Variants in EVC2 observed in about 807,000 individuals in gnomAD.
EVC2 encodes limbin.
Under a neutral mutation model 149.3 loss-of-function variants are expected in EVC2, and 148 were observed. The observed-to-expected ratio is 0.99, with a 90% CI of 0.87 to 1.14. The LOEUF is 1.14. Among genes scored for constraint, EVC2 ranks in the 50% most tolerant of loss-of-function variants. The pLI, the probability that EVC2 is intolerant of heterozygous loss-of-function variation, is 0.00. For synonymous variants in EVC2, 776 were observed against 649.9 expected (o/e 1.19, Z -2.95); for missense variants, 1,854 against 1,627.3 (o/e 1.14, Z -2.40).
At position 5,627,916 on chromosome 4, in the gene EVC2, G is replaced by A. The variant is rs539348024; in HGVS notation, c.1886+643C>T. Among the ~76,000 whole-genome samples the A allele has an allele frequency of 2.6e-5, 4 of 152,202 alleles. No individual in the cohort carries two copies. The South Asian group carries it at 8.3e-4, about 32-fold the overall frequency. On this transcript the variant is annotated intron_variant, in intron 12 of 21. Coordinates refer to ENST00000344408, the MANE Select transcript of EVC2 (RefSeq NM_147127.5). The stretch of plus-strand genomic sequence containing the variant: ...CTGATTTCTCCAGAATATGTTGTTG[G>A]AATTCTGCTTGAAAATAATCTGGGG...
chr4:5,544,250 A>T (rs1172186820), intron 21 of EVC2, among the ~76,000 whole-genome samples: 1 of 142,892 alleles, frequency 7.0e-6, no homozygotes, highest in African/African-American at 2.6e-5. Flanking sequence ...GTTGTTATGG[A>T]AAAAAAAAAA....
At chr4:5,531,598 G>A in the EVC2 span, among the ~76,000 whole-genome samples, 2 of 152,058 alleles carry the variant, frequency 1.3e-5, no homozygotes, top group Non-Finnish European at 2.9e-5. Context: ...TATCTTAGGA[G>A]CACAAACCCT....
Position 5,708,529 on chromosome 4 carries a change from G to C in EVC2, c.-16C>G, listed in dbSNP as rs1235922656. On this transcript the variant is annotated 5_prime_UTR_variant, in exon 1 of 22. Coordinates refer to ENST00000344408, the MANE Select transcript of EVC2 (RefSeq NM_147127.5). ...AGGGGTCCATCGCCTGTCGGGACCC[G>C]CTACCTCAAAGCGGCGGGTGCCGCC... 1 of 1,428,582 alleles carries C rather than the reference G, an allele frequency of 7.0e-7. No individual in the cohort carries two copies. Among genetic ancestry groups the C allele is most frequent in the Non-Finnish European group, 9.1e-7 (1 of 1,096,370 alleles). The allele number at this position is 1,428,582 out of a possible 1,614,324, so 88.5% of individuals were successfully genotyped here. A position where few individuals can be genotyped will look rare whatever the true frequency, so the allele number is the denominator to read the frequency against.
At chr4:5,632,737 T>C (rs1716640763) in intron 10 of EVC2, among the ~76,000 whole-genome samples, 1 of 152,124 alleles carries the variant, frequency 6.6e-6, no homozygotes, top group African/African-American at 2.4e-5. Flanking sequence ...GTGTGAGGAA[T>C]GAAAGGAAGC....
chr4:5,533,176 T>C, the EVC2 span, among the ~76,000 whole-genome samples: 2 of 151,590 alleles, frequency 1.3e-5, no homozygotes, highest in South Asian at 4.2e-4. Context: ...GAGAAATCAA[T>C]GAGGGGAAAG....
At chr4:5,654,772 T>C (rs115376844) in intron 9 of EVC2, among the ~76,000 whole-genome samples, 1 of 152,174 alleles carries the variant, frequency 6.6e-6, no homozygotes, top group Non-Finnish European at 1.5e-5. Flanking sequence ...ACCACTCTGT[T>C]GTTGAGTCAG....
chr4:5,620,753 C>T (rs552030367), intron 14 of EVC2, among the ~76,000 whole-genome samples: 1 of 152,274 alleles, frequency 6.6e-6, no homozygotes, highest in East Asian at 1.9e-4. Flanking sequence ...GCTAAATCAG[C>T]AGTTGCTTTA....
At chr4:5,680,075 A>T (rs1577243805) in intron 7 of EVC2, among the ~76,000 whole-genome samples, 1 of 152,148 alleles carries the variant, frequency 6.6e-6, no homozygotes, top group Non-Finnish European at 1.5e-5. Context: ...GTCCCACTGG[A>T]AGGTCTTCAG....
At chr4:5,531,147 C>T in the EVC2 span, among the ~76,000 whole-genome samples, 1 of 152,210 alleles carries the variant, frequency 6.6e-6, no homozygotes, top group African/African-American at 2.4e-5. Context: ...GAGGGAGTGG[C>T]GGCCTACATC....
the EVC2 span, among the ~76,000 whole-genome samples, chr4:5,533,455 G>C: frequency 1.3e-5 from 2 of 152,218 alleles, no homozygotes; most frequent in Non-Finnish European, 1.5e-5. Context: ...GGTCCAGTTG[G>C]ATGGCTTTTC....
intron 16 of EVC2, among the ~76,000 whole-genome samples, chr4:5,604,367 G>C (rs1227746571): frequency 6.6e-6 from 1 of 152,130 alleles, no homozygotes; most frequent in Non-Finnish European, 1.5e-5. Context: ...TGAATAACAC[G>C]GGTTTGAATT....
intron 7 of EVC2, among the ~76,000 whole-genome samples, chr4:5,673,377 T>C (rs1471856637): frequency 2.0e-5 from 3 of 152,192 alleles, no homozygotes; most frequent in Non-Finnish European, 2.9e-5. Context: ...GCTGCAGTGA[T>C]GAGTTCAGAA....
chr4:5,608,594 C>T lies in EVC2; in HGVS notation c.2829+6828G>A, dbSNP rs538826431. 1.6e-4 allele frequency among the ~76,000 whole-genome samples: 24 copies of T among 152,056 alleles called. 1 individual carries two copies. The highest frequency in any genetic ancestry group is 4.2e-4 in the South Asian group (2 of 4,782). On this transcript the variant is annotated intron_variant, in intron 16 of 21. Transcript: ENST00000344408. ...GGTCGTCCAGGCTGGAGTGCAATGG[C>T]GCAATTTTGGCTCATTGAAACCTCT...
chr4:5,659,913 A>T (rs997693086), intron 9 of EVC2, among the ~76,000 whole-genome samples: 2 of 152,236 alleles, frequency 1.3e-5, no homozygotes, highest in Non-Finnish European at 2.9e-5. Flanking sequence ...TGATTGCATG[A>T]TCCAAATCAT....
chr4:5,636,936 G>C lies in EVC2; in HGVS notation c.1470+3578C>G, dbSNP rs1716923158. On this transcript the variant is annotated intron_variant, in intron 10 of 21. Transcript: ENST00000344408. This position sits in a 1 kb window ranked among gnomAD's most constrained non-coding sequence, Gnocchi z 4.6. ...TAGTTCTATTAAATGCTGCAGCTCA[G>C]ATACTATTTCTGGAAACAGATTGGT... Among the ~76,000 whole-genome samples, 1 of 152,170 alleles carries C rather than the reference G, an allele frequency of 6.6e-6. No homozygotes were observed. The highest frequency in any genetic ancestry group is 2.1e-4 in the South Asian group (1 of 4,822).
Position 5,622,565 on chromosome 4 carries a change from G to T in EVC2, c.2473C>A (p.Leu825Met), listed in dbSNP as rs774185697. The T allele has an allele frequency of 1.2e-5, 20 of 1,613,840 alleles. No individual in the cohort carries two copies. The highest frequency in any genetic ancestry group is 1.5e-5 in the Non-Finnish European group (18 of 1,179,986). ...AAGATCAGGTGCTCCCAGCGTCGCA[G>T]CTCTGCCTGCTCCTCTGTCACGGCC... ...PEAVTEEQAE[L>M]RRWEHLIFMK... The change falls in exon 14 of 22, where the codon CTG becomes ATG. Residue 825 changes from leucine (L) to methionine (M), a missense_variant. Physicochemically the swap from Leu to Met is conservative, Grantham distance 15 (BLOSUM62 2). Coordinates refer to ENST00000344408, the MANE Select transcript of EVC2 (RefSeq NM_147127.5). This position sits in a 1 kb window ranked among gnomAD's most constrained non-coding sequence, Gnocchi z 5.8.
upstream of EVC2, chr4:5,709,232 G>C (rs956283084): frequency 2.6e-5 from 4 of 152,238 alleles, no homozygotes; most frequent in Non-Finnish European, 5.9e-5. Context: ...CTCTCCGAGG[G>C]GACAGGGATT....
At chr4:5,593,750 G>C (rs1713074565) in intron 16 of EVC2, among the ~76,000 whole-genome samples, 1 of 152,184 alleles carries the variant, frequency 6.6e-6, no homozygotes, top group African/African-American at 2.4e-5. Context: ...CCGTGCGTGA[G>C]CCAAAGCAGG....
chr4:5,655,316 G>T lies in EVC2; in HGVS notation c.1145+7791C>A, dbSNP rs116652519. Among the ~76,000 whole-genome samples the T allele has an allele frequency of 9.6e-3, 1,458 of 152,260 alleles. 11 individuals are homozygous for T. The highest frequency in any genetic ancestry group is 0.015 in the Non-Finnish European group (1,029 of 68,028). On this transcript the variant is annotated intron_variant, in intron 9 of 21. Coordinates refer to ENST00000344408, the MANE Select transcript of EVC2 (RefSeq NM_147127.5). ...TCCTGCCAGCCATCTGGTGCTCCAG[G>T]TGAACTCTGATACTGATCCTTCCAG... is the stretch of plus-strand genomic sequence containing the variant.
Sources: allele counts gnomAD v4.1 joint callset (sites outside exome capture counted in the v4.1 genomes callset), GRCh38; gene constraint gnomAD v4.1.1; non-coding constraint Gnocchi (gnomAD v3.1); transcripts MANE v1.5; gene names NCBI Gene and HGNC (gene_info 2026-07-23, HGNC 2026-07-21).